The following RNF217 variants were observed in gnomAD, a reference collection of about 807,000 sequenced individuals.
RNF217 encodes the protein E3 ubiquitin-protein ligase RNF217.
A neutral mutation model predicts 57.8 loss-of-function variants in RNF217; 31 were observed. The observed-to-expected ratio is 0.54, with a 90% CI of 0.40 to 0.72. RNF217 has a LOEUF of 0.72. RNF217 is among the 30% of genes least tolerant of loss of function. The pLI is 0.00. For missense variants in RNF217, 696 were observed against 708.3 expected (o/e 0.98, Z 0.20); for synonymous variants, 313 against 294.0 (o/e 1.06, Z -0.66).
intron 2 of RNF217, among the ~76,000 whole-genome samples, 169 bp from the exon 3 acceptor site, chr6:125,057,773 T>G (rs1787576465): frequency 6.6e-6 from 1 of 152,182 alleles, no homozygotes; most frequent in Non-Finnish European, 1.5e-5. Flanking sequence ...AAAGCAATTC[T>G]TTCCTGTAGT....
chr6:125,002,584 C>T (rs1012224331), intron 1 of RNF217, among the ~76,000 whole-genome samples: 1 of 152,072 alleles, frequency 6.6e-6, no homozygotes, highest in African/African-American at 2.4e-5. Flanking sequence ...TTATTATCTA[C>T]GACCACAGCC....
At chr6:124,986,964 G>A (rs180891985) in intron 1 of RNF217, among the ~76,000 whole-genome samples, 12 of 152,120 alleles carry the variant, frequency 7.9e-5, no homozygotes, top group Non-Finnish European at 1.2e-4. Context: ...TTCATCTGTC[G>A]TACTGATCTG....
intron 3 of RNF217, among the ~76,000 whole-genome samples, chr6:125,059,747 A>G (rs556220326): frequency 6.0e-4 from 92 of 152,348 alleles, no homozygotes; most frequent in East Asian, 2.3e-3. Context: ...TGAATGTTCT[A>G]ACAACTTTCC....
At chr6:125,021,638 T>C (rs1478955299) in intron 1 of RNF217, among the ~76,000 whole-genome samples, 1 of 152,170 alleles carries the variant, frequency 6.6e-6, no homozygotes, top group African/African-American at 2.4e-5. Context: ...AGAATAAATA[T>C]ATTCTACAAG....
intron 3 of RNF217, among the ~76,000 whole-genome samples, chr6:125,075,903 A>T (rs1192513176): frequency 7.2e-5 from 11 of 152,032 alleles, no homozygotes; most frequent in Admixed American, 7.2e-4. Context: ...ACCACACTGT[A>T]TGTTATATAT....
chr6:125,009,356 T>A, intron 1 of RNF217: 1 of 942,332 alleles, frequency 1.1e-6, no homozygotes, highest in East Asian at 2.4e-5. Context: ...AAACACCTCC[T>A]GTGAAGCCCT....
At chr6:125,020,211 T>C (rs2114407716) in intron 1 of RNF217, among the ~76,000 whole-genome samples, 1 of 152,338 alleles carries the variant, frequency 6.6e-6, no homozygotes, top group South Asian at 2.1e-4. Context: ...TATTCTATTT[T>C]AGTGTATTTC....
At chr6:125,016,571 CTT>C (rs920676019) in intron 1 of RNF217, among the ~76,000 whole-genome samples, 6 of 151,998 alleles carry the variant, frequency 3.9e-5, no homozygotes, top group African/African-American at 1.4e-4. Flanking sequence ...AGAAAGTTCT[CTT>C]TGTAAGTTTT....
intron 1 of RNF217, among the ~76,000 whole-genome samples, chr6:125,038,759 C>A (rs1390491485): frequency 6.6e-6 from 1 of 152,074 alleles, no homozygotes; most frequent in East Asian, 1.9e-4. Flanking sequence ...ATACTATGGA[C>A]TTTTTCTATC....
At chr6:125,039,146 C>A (rs1459064791) in intron 1 of RNF217, among the ~76,000 whole-genome samples, 1 of 152,070 alleles carries the variant, frequency 6.6e-6, no homozygotes, top group Non-Finnish European at 1.5e-5. Context: ...TAATAGCTTC[C>A]AGCTCCATCC....
intron 2 of RNF217, among the ~76,000 whole-genome samples, chr6:125,049,777 A>G (rs1787240398): frequency 6.6e-6 from 1 of 151,934 alleles, no homozygotes; most frequent in Admixed American, 6.6e-5. Flanking sequence ...AAAAGAATAT[A>G]GTTGAAAGAA....
intron 1 of RNF217, among the ~76,000 whole-genome samples, chr6:125,012,010 G>GC (rs1785433328): frequency 2.0e-5 from 3 of 151,740 alleles, no homozygotes; most frequent in Admixed American, 1.3e-4. Context: ...ACTTTTAAAA[G>GC]GATACTCATT....
At chr6:125,030,871 C>G (rs953582104) in intron 1 of RNF217, among the ~76,000 whole-genome samples, 3 of 152,124 alleles carry the variant, frequency 2.0e-5, no homozygotes, top group Non-Finnish European at 2.9e-5. Flanking sequence ...GTAGGGTCTC[C>G]GACCCCACAT....
rs538786598 is a variant in RNF217, at chr6:125,047,839, G to A, written c.1116+2395G>A. ...AGATCCTCAGCGGTGGGTGTGGGGT[G>A]GAAATCTCATTACACTATAAAATGA... On this transcript the variant is annotated intron_variant, in intron 2 of 5. Coordinates refer to ENST00000521654, the MANE Select transcript of RNF217 (RefSeq NM_001286398.3). 9.3e-4 allele frequency among the ~76,000 whole-genome samples: 142 copies of A among 152,022 alleles called. 1 individual carries two copies. The highest frequency in any genetic ancestry group is 3.3e-3 in the African/African-American group (137 of 41,482).
At chr6:125,049,190 A>G (rs1245036631) in intron 2 of RNF217, among the ~76,000 whole-genome samples, 1 of 152,046 alleles carries the variant, frequency 6.6e-6, no homozygotes, top group African/African-American at 2.4e-5. Context: ...AAATAAAAAA[A>G]TGTTGAAGTT....
At chr6:124,978,563 A>G (rs1047236415) in intron 1 of RNF217, among the ~76,000 whole-genome samples, 1 of 152,118 alleles carries the variant, frequency 6.6e-6, no homozygotes, top group African/African-American at 2.4e-5. Context: ...CAGCTCTTCA[A>G]TCCCATAGCT....
At chr6:124,997,839 A>G (rs1362410335) in intron 1 of RNF217, among the ~76,000 whole-genome samples, 1 of 152,090 alleles carries the variant, frequency 6.6e-6, no homozygotes, top group Non-Finnish European at 1.5e-5. Context: ...GTATTTCTCC[A>G]ATATCTGCCT....
intron 2 of RNF217, among the ~76,000 whole-genome samples, chr6:125,046,220 G>A (rs945181472): frequency 4.6e-5 from 7 of 152,034 alleles, no homozygotes; most frequent in South Asian, 2.1e-4. Flanking sequence ...GTGGAGAGTC[G>A]GGAGAGGCAG....
intron 1 of RNF217, among the ~76,000 whole-genome samples, chr6:125,003,807 A>G (rs1785071350): frequency 6.6e-6 from 1 of 152,124 alleles, no homozygotes; most frequent in Non-Finnish European, 1.5e-5. Context: ...CTCATACCAT[A>G]AGAAGCTCAT....
Sources: gnomAD v4.1 joint callset for allele counts (sites outside exome capture counted in the v4.1 genomes callset) on GRCh38, gnomAD v4.1.1 for gene constraint, MANE v1.5 for transcripts, NCBI Gene and HGNC (gene_info 2026-07-23, HGNC 2026-07-21) for gene names.